RCAN2: variants seen among roughly 807,000 people sequenced by gnomAD.
The protein encoded by RCAN2 is calcipressin-2.
A neutral mutation model predicts 23.6 loss-of-function variants in RCAN2; 9 were observed. That is an observed-to-expected ratio of 0.38 (90% CI 0.23 to 0.67). The LOEUF (loss-of-function observed/expected upper bound fraction) is 0.67. Among genes scored for constraint, RCAN2 ranks in the 30% least tolerant of loss-of-function variants. RCAN2 has a pLI of 0.51. For synonymous variants in RCAN2, 109 were observed against 115.7 expected (o/e 0.94, Z 0.37); for missense variants, 273 against 302.3 (o/e 0.90, Z 0.72).
At chr6:46,461,460 A>G (rs1488898290) in intron 1 of RCAN2, among the ~76,000 whole-genome samples, 2 of 152,340 alleles carry the variant, frequency 1.3e-5, no homozygotes, top group South Asian at 2.1e-4. Context: ...AGAATTTCAA[A>G]ACTTCTTTAG....
At chr6:46,444,964 A>G (rs1297789740) in intron 2 of RCAN2, among the ~76,000 whole-genome samples, 2 of 152,158 alleles carry the variant, frequency 1.3e-5, no homozygotes, top group Non-Finnish European at 2.9e-5. Flanking sequence ...GGGCAGCCCC[A>G]GGCCCTTGGC....
intron 2 of RCAN2, among the ~76,000 whole-genome samples, chr6:46,361,389 G>A (rs895007404): frequency 6.6e-6 from 1 of 152,054 alleles, no homozygotes; most frequent in African/African-American, 2.4e-5. Context: ...CAACTCCAGG[G>A]GAAAGGTAAA....
At chr6:46,361,447 CT>C (rs1055605637) in intron 2 of RCAN2, among the ~76,000 whole-genome samples, 11 of 152,156 alleles carry the variant, frequency 7.2e-5, no homozygotes, top group Non-Finnish European at 1.3e-4. Flanking sequence ...AAAAAAAGAA[CT>C]AGTTTGACTA....
At chr6:46,480,671 G>A (rs888782406) in intron 1 of RCAN2, among the ~76,000 whole-genome samples, 5 of 152,008 alleles carry the variant, frequency 3.3e-5, no homozygotes, top group African/African-American at 1.2e-4. Flanking sequence ...TGTCACCCAG[G>A]CTGGAGTGCA....
intron 2 of RCAN2, among the ~76,000 whole-genome samples, chr6:46,289,359 G>A (rs1762469038): frequency 6.6e-6 from 1 of 152,182 alleles, no homozygotes; most frequent in Admixed American, 6.5e-5. Flanking sequence ...AAGTTGTTAA[G>A]CCTAATACTG....
At chr6:46,436,263 A>G (rs1423001116) in intron 2 of RCAN2, among the ~76,000 whole-genome samples, 1 of 152,218 alleles carries the variant, frequency 6.6e-6, no homozygotes, top group Non-Finnish European at 1.5e-5. Flanking sequence ...CCCAGCCTAG[A>G]GTGCAGTGGC....
At chr6:46,451,443 T>C (rs1767880651) in intron 2 of RCAN2, among the ~76,000 whole-genome samples, 1 of 152,174 alleles carries the variant, frequency 6.6e-6, no homozygotes. Flanking sequence ...AAGTGATGTT[T>C]TGTCTCACAA....
chr6:46,317,717 G>A (rs1244828119), intron 2 of RCAN2, among the ~76,000 whole-genome samples: 16 of 152,074 alleles, frequency 1.1e-4, no homozygotes, highest in Admixed American at 5.9e-4. Flanking sequence ...TGCCCGCCTC[G>A]GCCTCCCAAA....
At chr6:46,231,429 A>G (rs528908148) in intron 4 of RCAN2, among the ~76,000 whole-genome samples, 2 of 135,804 alleles carry the variant, frequency 1.5e-5, no homozygotes, top group Non-Finnish European at 3.1e-5. Flanking sequence ...TTTTTTTTTG[A>G]GTCAGAGTCC....
rs181909018 is a variant in RCAN2, at chr6:46,461,799, T to G, written c.-2-4821A>C. 3.3e-5 allele frequency among the ~76,000 whole-genome samples: 5 copies of G among 152,278 alleles called. No homozygotes were observed. In the East Asian group the frequency reaches 9.7e-4, roughly 29 times the overall value. On this transcript the variant is annotated intron_variant, in intron 1 of 4. Coordinates refer to ENST00000371374, the MANE Select transcript of RCAN2 (RefSeq NM_001251974.2). ...CGGAGTTTTTCCATGTTGGTCAGCCTGATCTCGAACTCCCGACCTCAGGTG... is the reference window on the plus strand; with the variant it reads ...CGGAGTTTTTCCATGTTGGTCAGCCGGATCTCGAACTCCCGACCTCAGGTG...
At chr6:46,451,811 T>G (rs1767890914) in intron 2 of RCAN2, among the ~76,000 whole-genome samples, 1 of 152,164 alleles carries the variant, frequency 6.6e-6, no homozygotes, top group Non-Finnish European at 1.5e-5. Context: ...ACACAAAGAC[T>G]AAGAGAACAG....
chr6:46,257,855 C>T (rs544044962), intron 2 of RCAN2, among the ~76,000 whole-genome samples: 1 of 152,302 alleles, frequency 6.6e-6, no homozygotes, highest in Non-Finnish European at 1.5e-5. Flanking sequence ...GTTATTTATA[C>T]TGCATAAATA....
intron 2 of RCAN2, among the ~76,000 whole-genome samples, chr6:46,418,459 C>G (rs1766772421): frequency 6.6e-6 from 1 of 151,912 alleles, no homozygotes; most frequent in Non-Finnish European, 1.5e-5. Flanking sequence ...ATATCCCACC[C>G]CTCCTTACAA....
At chr6:46,225,496 T>C (rs1765631744) in intron 4 of RCAN2, among the ~76,000 whole-genome samples, 4 of 151,148 alleles carry the variant, frequency 2.6e-5, no homozygotes, top group African/African-American at 7.3e-5. Context: ...GAGATGGTAT[T>C]TCATTGTGGT....
intron 2 of RCAN2, among the ~76,000 whole-genome samples, chr6:46,412,886 C>T (rs554436567): frequency 3.9e-5 from 6 of 152,008 alleles, no homozygotes; most frequent in Non-Finnish European, 8.8e-5. Context: ...AGCCAGAGGG[C>T]GTGGGTAAAC....
At chr6:46,421,471 GAT>G (rs1462135269) in intron 2 of RCAN2, among the ~76,000 whole-genome samples, 3 of 152,198 alleles carry the variant, frequency 2.0e-5, no homozygotes, top group African/African-American at 7.2e-5. Context: ...TAGGGTGAAA[GAT>G]AAAGAATTTG....
chr6:46,341,403 A>AG (rs35802249), intron 2 of RCAN2, among the ~76,000 whole-genome samples: 63,734 of 151,704 alleles, frequency 0.42, 14,769 homozygotes, highest in East Asian at 0.6. Flanking sequence ...ATGAACTAAA[A>AG]AATAAAAATC....
intron 2 of RCAN2, among the ~76,000 whole-genome samples, chr6:46,368,661 A>G (rs1274634593): frequency 1.3e-5 from 2 of 152,212 alleles, no homozygotes; most frequent in African/African-American, 2.4e-5. Flanking sequence ...ATGTAAACAT[A>G]TCTACACATA....
chr6:46,430,166 C>T (rs1433840630), intron 2 of RCAN2, among the ~76,000 whole-genome samples: 1 of 152,126 alleles, frequency 6.6e-6, no homozygotes. Context: ...GAGGACCAGT[C>T]GCAGACCAAG....
Sources: allele counts gnomAD v4.1 joint callset (sites outside exome capture counted in the v4.1 genomes callset), GRCh38; gene constraint gnomAD v4.1.1; transcripts MANE v1.5; gene names NCBI Gene and HGNC (gene_info 2026-07-23, HGNC 2026-07-21).